The following UCHL3 variants were observed in gnomAD, a reference collection of about 807,000 sequenced individuals.
UCHL3 encodes the protein ubiquitin carboxyl-terminal hydrolase isozyme L3.
In UCHL3, 22 loss-of-function variants were observed where a neutral mutation model predicts 35.8. That is an observed-to-expected ratio of 0.61 (90% CI 0.44 to 0.88). UCHL3 has a LOEUF of 0.88. UCHL3 is among the 40% of genes least tolerant of loss of function. The probability of loss-of-function intolerance (pLI) is 0.00; values close to 1 mark genes in which losing one functional copy is unlikely to be tolerated. For missense variants in UCHL3, 229 were observed against 276.9 expected, an observed-to-expected ratio of 0.83 and a Z score of 1.23; for synonymous variants, 90 against 92.8, an observed-to-expected ratio of 0.97 and a Z score of 0.17.
At chr13:75,564,341 G>A (rs1288377947) in intron 3 of UCHL3, among the ~76,000 whole-genome samples, 1 of 151,900 alleles carries the variant, frequency 6.6e-6, no homozygotes, top group Non-Finnish European at 1.5e-5. Flanking sequence ...TAGTAGAGAC[G>A]GGGTTTCACC....
intron 6 of UCHL3, chr13:75,590,139 G>A (rs2032441597): frequency 7.7e-7 from 1 of 1,296,728 alleles, no homozygotes; most frequent in African/African-American, 1.5e-5. Context: ...TGTAAGTTTA[G>A]TCAATCTTCC....
At chr13:75,592,659 A>T (rs770736822) in intron 6 of UCHL3, among the ~76,000 whole-genome samples, 4 of 151,272 alleles carry the variant, frequency 2.6e-5, no homozygotes, top group Middle Eastern at 3.2e-3. Flanking sequence ...AAGCTGACTG[A>T]AGGAAAGGGC....
rs190581811 is a variant in UCHL3, at chr13:75,568,003, T to C, written c.426+691T>C. Among the ~76,000 whole-genome samples the C allele has an allele frequency of 5.5e-3, 841 of 152,236 alleles. 7 individuals are homozygous for C. Among genetic ancestry groups the C allele is most frequent in the African/African-American group, 0.018 (751 of 41,538 alleles). ...AAAGGAGAAAGCAAAGGTTTAAAGGTAGACATTAGACCATACTGTAGCTAT... is the reference window on the plus strand; with the variant it reads ...AAAGGAGAAAGCAAAGGTTTAAAGGCAGACATTAGACCATACTGTAGCTAT... On this transcript the variant is annotated intron_variant, in intron 5 of 8. Transcript: ENST00000377595.
intron 6 of UCHL3, chr13:75,590,152 CTCT>C (rs1566226685): frequency 7.7e-7 from 1 of 1,291,374 alleles, no homozygotes; most frequent in Non-Finnish European, 1.0e-6. Flanking sequence ...AATCTTCCGT[CTCT>C]TCTTCCAGTG....
intron 6 of UCHL3, among the ~76,000 whole-genome samples, chr13:75,589,272 G>A (rs1377953978): frequency 1.3e-5 from 2 of 152,106 alleles, no homozygotes; most frequent in Admixed American, 6.5e-5. Context: ...TGGGTTACTG[G>A]AAGGTTAAAT....
intron 2 of UCHL3, among the ~76,000 whole-genome samples, chr13:75,559,499 T>G (rs1190581949): frequency 6.6e-6 from 1 of 152,204 alleles, no homozygotes; most frequent in Non-Finnish European, 1.5e-5. Flanking sequence ...GCAAGTAGAT[T>G]ATCTTCTACA....
chr13:75,604,249 G>A (rs1566233746), intron 7 of UCHL3, among the ~76,000 whole-genome samples: 1 of 152,114 alleles, frequency 6.6e-6, no homozygotes, highest in South Asian at 2.1e-4. Flanking sequence ...TAAGTTGATT[G>A]TGAATTTGCT....
rs80150348 is a variant in UCHL3, at chr13:75,573,337, T to C, written c.474+3830T>C. ...AGTGTTCGGTGTATTATTATCTCCA[T>C]TGCTGTTTGTATTCCAGCCTACTGA... On this transcript the variant is annotated intron_variant, in intron 6 of 8. Coordinates refer to ENST00000377595, the MANE Select transcript of UCHL3 (RefSeq NM_006002.5). Among the ~76,000 whole-genome samples, 347 of 152,306 alleles carry C rather than the reference T, an allele frequency of 2.3e-3. 2 individuals are homozygous for C. The highest frequency in any genetic ancestry group is 8.0e-3 in the African/African-American group (331 of 41,574).
chr13:75,562,616 T>C (rs962477733), intron 3 of UCHL3, among the ~76,000 whole-genome samples: 1 of 152,126 alleles, frequency 6.6e-6, no homozygotes, highest in African/African-American at 2.4e-5. Context: ...GAATTGGAAA[T>C]TTCCAAACCA....
intron 3 of UCHL3, among the ~76,000 whole-genome samples, chr13:75,565,647 A>G (rs1299689478): frequency 1.3e-5 from 2 of 152,202 alleles, no homozygotes; most frequent in Non-Finnish European, 2.9e-5. Context: ...GACAATACAT[A>G]ATGAAATTTT....
At chr13:75,585,998 A>G (rs911594362) in intron 6 of UCHL3, among the ~76,000 whole-genome samples, 72 of 152,264 alleles carry the variant, frequency 4.7e-4, no homozygotes, top group Non-Finnish European at 2.2e-4. Flanking sequence ...AAATCCAGCC[A>G]TATAAAACAT....
intron 6 of UCHL3, among the ~76,000 whole-genome samples, chr13:75,586,922 A>C (rs539794578): frequency 1.3e-5 from 2 of 151,846 alleles, no homozygotes; most frequent in South Asian, 4.1e-4. Context: ...AAAAACAAAC[A>C]AACAGAGGTT....
At chr13:75,601,433 A>G (rs937767045) in intron 7 of UCHL3, among the ~76,000 whole-genome samples, 2 of 152,184 alleles carry the variant, frequency 1.3e-5, no homozygotes, top group African/African-American at 4.8e-5. Context: ...AGCCACCCCA[A>G]TCTTCAGCAA....
chr13:75,588,025 A>T (rs1197748878), intron 6 of UCHL3, among the ~76,000 whole-genome samples: 2 of 148,960 alleles, frequency 1.3e-5, no homozygotes, highest in Non-Finnish European at 3.0e-5. Context: ...ATAAGTAATA[A>T]TTTTTTTTTT....
chr13:75,552,275 A>T (rs972298891), intron 2 of UCHL3, among the ~76,000 whole-genome samples: 1 of 152,200 alleles, frequency 6.6e-6, no homozygotes, highest in Non-Finnish European at 1.5e-5. Flanking sequence ...TAGAAGATGG[A>T]TAGAAATTTA....
At chr13:75,597,659 G>A (rs1217384923) in intron 7 of UCHL3, among the ~76,000 whole-genome samples, 5 of 152,194 alleles carry the variant, frequency 3.3e-5, no homozygotes, top group Admixed American at 1.3e-4. Flanking sequence ...GGTAGAGTAT[G>A]TCAAGGGGCT....
chr13:75,549,824 G>A lies in UCHL3; in HGVS notation c.4G>A (p.Glu2Lys). MEGQRWLPLEAN... is the reference protein window; with the variant it reads MKGQRWLPLEAN... ...TGGAGGGCCGGGCACCGCGGCCATGGAGGGTCAACGCTGGCTGCCGCTGGA... is the reference window on the plus strand; with the variant it reads ...TGGAGGGCCGGGCACCGCGGCCATGAAGGGTCAACGCTGGCTGCCGCTGGA... The change falls in exon 1 of 9, where the codon GAG (glutamate) becomes AAG (lysine). Residue 2 changes from glutamate to lysine, a missense_variant. Glu to Lys is a moderately conservative substitution (Grantham distance 56, BLOSUM62 1). Transcript: ENST00000377595. The A allele has an allele frequency of 6.3e-7, 1 of 1,585,408 alleles. No individual in the cohort carries two copies. The highest frequency in any genetic ancestry group is 8.6e-7 in the Non-Finnish European group (1 of 1,167,758).
At chr13:75,589,895 G>T (rs768531007) in intron 6 of UCHL3, 2 of 1,267,342 alleles carry the variant, frequency 1.6e-6, no homozygotes, top group South Asian at 2.6e-5. Flanking sequence ...TGATCACCCA[G>T]TAACGTGGTC....
chr13:75,573,734 T>C (rs1326367320), intron 6 of UCHL3, among the ~76,000 whole-genome samples: 2 of 152,214 alleles, frequency 1.3e-5, no homozygotes, highest in African/African-American at 4.8e-5. Context: ...CATTAACTAC[T>C]TCCTTCAATG....
Sources: gnomAD v4.1 joint callset for allele counts (sites outside exome capture counted in the v4.1 genomes callset) on GRCh38, gnomAD v4.1.1 for gene constraint, MANE v1.5 for transcripts, NCBI Gene and HGNC (gene_info 2026-07-23, HGNC 2026-07-21) for gene names.